Variants in SNTG2 observed in about 807,000 individuals in gnomAD.
SNTG2 encodes the protein syntrophin gamma 2.
Under a neutral mutation model 70.9 loss-of-function variants are expected in SNTG2, and 74 were observed. The ratio of observed to expected loss-of-function variants is 1.04; its 90% CI spans 0.86 to 1.27. SNTG2 has a LOEUF of 1.27. SNTG2 is among the 50% of genes most tolerant of loss of function. The pLI is 0.00. For missense variants in SNTG2, 717 were observed against 690.7 expected (o/e 1.04, Z -0.43); for synonymous variants, 278 against 273.8 (o/e 1.02, Z -0.15).
intron 15 of SNTG2, among the ~76,000 whole-genome samples, chr2:1,311,146 T>C (rs1292960614): frequency 6.6e-6 from 1 of 152,214 alleles, no homozygotes; most frequent in African/African-American, 2.4e-5. Context: ...GCTGAGGTTC[T>C]TCTCTGCTCG....
At chr2:979,517 A>G (rs948124744) in intron 1 of SNTG2, among the ~76,000 whole-genome samples, 2 of 151,992 alleles carry the variant, frequency 1.3e-5, no homozygotes, top group African/African-American at 2.4e-5. Context: ...GGTTTTTACC[A>G]CACAGCTCCT....
intron 6 of SNTG2, among the ~76,000 whole-genome samples, chr2:1,144,936 C>T (rs558328784): frequency 6.6e-6 from 1 of 152,272 alleles, no homozygotes; most frequent in South Asian, 2.1e-4. Context: ...TGGGAAGTCA[C>T]AAAATGCTTG....
intron 9 of SNTG2, among the ~76,000 whole-genome samples, chr2:1,223,568 G>T (rs988710407): frequency 2.6e-5 from 4 of 152,186 alleles, no homozygotes; most frequent in Non-Finnish European, 2.9e-5. Flanking sequence ...TCAATTTCCT[G>T]GCACCCTCCC....
intron 4 of SNTG2, among the ~76,000 whole-genome samples, chr2:1,103,634 C>T (rs1239770771): frequency 1.3e-5 from 2 of 152,194 alleles, no homozygotes; most frequent in Non-Finnish European, 2.9e-5. Context: ...ATGATCCTCC[C>T]CCTTTGGCCT....
intron 9 of SNTG2, among the ~76,000 whole-genome samples, chr2:1,222,522 CCTG>C (rs1260236457): frequency 1.6e-5 from 2 of 124,954 alleles, no homozygotes; most frequent in Middle Eastern, 3.8e-3. Flanking sequence ...CCCTGTCCTG[CCTG>C]CTGCTGGAGG....
At chr2:1,247,978 T>TA (rs112616859) in intron 12 of SNTG2, among the ~76,000 whole-genome samples, 6 of 152,292 alleles carry the variant, frequency 3.9e-5, no homozygotes, top group African/African-American at 1.2e-4. Context: ...TGACTGAATG[T>TA]AATGTGTAAT....
At chr2:1,316,241 C>T in intron 15 of SNTG2, 24 bp from the exon 16 acceptor site, 1 of 1,189,982 alleles carries the variant, frequency 8.4e-7, no homozygotes, top group South Asian at 1.4e-5. Context: ...TTAGAAATCG[C>T]TAATTAATTT....
intron 14 of SNTG2, among the ~76,000 whole-genome samples, chr2:1,287,022 G>A (rs1433669472): frequency 6.6e-6 from 1 of 152,128 alleles, no homozygotes; most frequent in African/African-American, 2.4e-5. Flanking sequence ...TGTTCTCCAG[G>A]TGGACACACA....
intron 1 of SNTG2, among the ~76,000 whole-genome samples, chr2:1,081,543 C>T (rs903961504): frequency 6.6e-6 from 1 of 152,256 alleles, no homozygotes; most frequent in African/African-American, 2.4e-5. Flanking sequence ...GCAGGGCCAG[C>T]AGTCAGGCTG....
chr2:1,267,402 T>C lies in SNTG2; in HGVS notation c.1115T>C (p.Leu372Ser), dbSNP rs1055223402. The change falls in exon 14 of 17, where the codon TTG (leucine) becomes TCG (serine). Residue 372 changes from leucine to serine, a missense_variant. By Grantham distance (145) the Leu-to-Ser change is moderately radical (BLOSUM62 -2). Transcript: ENST00000308624. ...GAGGACTGCTGGTTGCAAGCAAACT[T>C]GTATCTGGGTCTTCAAGATTTTGAC... ...LTEDCWLQAN[L>S]YLGLQDFDFE... The C allele has an allele frequency of 5.0e-6, 8 of 1,609,948 alleles. No homozygotes were observed. The highest frequency in any genetic ancestry group is 5.1e-6 in the Non-Finnish European group (6 of 1,177,998).
chr2:972,051 T>A (rs1660761736), intron 1 of SNTG2, among the ~76,000 whole-genome samples: 1 of 152,190 alleles, frequency 6.6e-6, no homozygotes, highest in African/African-American at 2.4e-5. Context: ...AATTGTTTTA[T>A]GGTCTATTGT....
intron 1 of SNTG2, among the ~76,000 whole-genome samples, chr2:1,002,756 C>T (rs942782983): frequency 2.0e-5 from 3 of 149,808 alleles, no homozygotes; most frequent in African/African-American, 7.3e-5. Context: ...GGATATATAC[C>T]CAAAGGGAAA....
chr2:1,153,124 C>CAA (rs60254441), intron 6 of SNTG2, among the ~76,000 whole-genome samples: 3,070 of 134,238 alleles, frequency 0.023, 113 homozygotes, highest in African/African-American at 0.075. Flanking sequence ...AACTCCATCT[C>CAA]AAAAAAAAAA....
At chr2:1,229,857 T>A (rs994946287) in intron 9 of SNTG2, among the ~76,000 whole-genome samples, 6 of 152,334 alleles carry the variant, frequency 3.9e-5, no homozygotes, top group Admixed American at 3.9e-4. Flanking sequence ...AAGTCCCTTA[T>A]TGCCCGAGGC....
chr2:1,045,445 T>C (rs1661679747), intron 1 of SNTG2, among the ~76,000 whole-genome samples: 1 of 152,148 alleles, frequency 6.6e-6, no homozygotes, highest in African/African-American at 2.4e-5. Context: ...TTGCTCTTTC[T>C]TTTTTTCTTT....
chr2:1,303,082 A>G (rs769331446), intron 14 of SNTG2, among the ~76,000 whole-genome samples: 4 of 152,224 alleles, frequency 2.6e-5, no homozygotes, highest in Non-Finnish European at 5.9e-5. Flanking sequence ...CAATTGAAAG[A>G]CAACTAGGTA....
chr2:1,103,761 A>C (rs1031164200), intron 4 of SNTG2, among the ~76,000 whole-genome samples: 14 of 152,210 alleles, frequency 9.2e-5, no homozygotes, highest in Non-Finnish European at 2.1e-4. Flanking sequence ...GCCTCCGTGC[A>C]TGCTGTGATT....
intron 14 of SNTG2, among the ~76,000 whole-genome samples, chr2:1,305,366 C>A (rs1420146935): frequency 6.6e-6 from 1 of 152,202 alleles, no homozygotes; most frequent in Non-Finnish European, 1.5e-5. Context: ...ATGAGGATGT[C>A]TTTCAAGAAA....
chr2:1,249,467 C>T (rs1677632563), intron 12 of SNTG2, among the ~76,000 whole-genome samples: 1 of 152,102 alleles, frequency 6.6e-6, no homozygotes, highest in South Asian at 2.1e-4. Context: ...GCATTTAATA[C>T]CAGAATATTC....
Sources: allele counts gnomAD v4.1 joint callset (sites outside exome capture counted in the v4.1 genomes callset), GRCh38; gene constraint gnomAD v4.1.1; transcripts MANE v1.5; gene names NCBI Gene and HGNC (gene_info 2026-07-23, HGNC 2026-07-21).